Variants in GSDME observed in about 807,000 individuals in gnomAD.
GSDME encodes the protein gasdermin E.
GSDME carries 44 observed loss-of-function variants against 47.5 expected under a neutral mutation model. That is an observed-to-expected ratio of 0.93 (90% CI 0.73 to 1.19). GSDME has a LOEUF of 1.19. GSDME is among the 50% of genes most tolerant of loss of function. GSDME has a pLI of 0.00. For missense variants in GSDME, 663 were observed against 604.2 expected (o/e 1.10, Z -1.02); for synonymous variants, 258 against 252.8 (o/e 1.02, Z -0.20).
the GSDME span, among the ~76,000 whole-genome samples, chr7:24,783,989 G>C: frequency 6.6e-6 from 1 of 152,120 alleles, no homozygotes; most frequent in Admixed American, 6.5e-5. Context: ...CAGGCATGGA[G>C]AGGCTGCAGC....
the GSDME span, among the ~76,000 whole-genome samples, chr7:24,791,167 G>T: frequency 6.6e-6 from 1 of 151,940 alleles, no homozygotes; most frequent in Admixed American, 6.6e-5. This position sits in a 1 kb window ranked among gnomAD's most constrained non-coding sequence, Gnocchi z 4.8. Context: ...CTGTGGGAGT[G>T]GTCAAGACCA....
rs910438760 is a variant in GSDME at position 24,712,167 on chromosome 7, C to T, written c.698-1779G>A. On this transcript the variant is annotated intron_variant, in intron 5 of 9. Transcript: ENST00000645220. The surrounding 1 kb of genome is among the most constrained non-coding windows in gnomAD (Gnocchi z 4.4). ...TGTCTAAAGACAAAGGAAACGATCC[C>T]TGGGCTTTACCCACCTGGCCCACAC... is the stretch of plus-strand genomic sequence containing the variant. Among the ~76,000 whole-genome samples, 3 of 152,220 alleles carry T rather than the reference C, an allele frequency of 2.0e-5. No homozygotes were observed. The highest frequency in any genetic ancestry group is 7.2e-5 in the African/African-American group (3 of 41,436).
intron 4 of GSDME, 93 bp downstream of exon 4, chr7:24,718,954 T>C: frequency 7.2e-7 from 1 of 1,389,062 alleles, no homozygotes. Flanking sequence ...ACGGAAAGAG[T>C]CCTGACTAAT....
Position 24,717,321 on chromosome 7 carries a change from C to G in GSDME, c.630G>C (p.Glu210Asp), listed in dbSNP as rs2128052861. 6.2e-7 allele frequency: 1 copy of G among 1,610,516 alleles called. No individual in the cohort carries two copies. Among genetic ancestry groups the G allele is most frequent in the Middle Eastern group, 1.7e-4 (1 of 6,044 alleles). Reference sequence around the variant, plus strand: ...AGGCAATGGTGGTGGCAGCTGGGATCTCCAGCACCACGTTGGAGTCCTTGG... The same window carrying G: ...AGGCAATGGTGGTGGCAGCTGGGATGTCCAGCACCACGTTGGAGTCCTTGG... ...NVTKDSNVVL[E>D]IPAATTIAYG... The change falls in exon 5 of 10, where the codon GAG (glutamate) becomes GAC (aspartate). Residue 210 changes from glutamate (E) to aspartate (D), a missense_variant. Physicochemically the swap from Glu to Asp is conservative, Grantham distance 45 (BLOSUM62 2). Coordinates refer to ENST00000645220, the MANE Select transcript of GSDME (RefSeq NM_001127453.2).
chr7:24,719,914 C>T (rs1468002877), intron 3 of GSDME, among the ~76,000 whole-genome samples: 3 of 152,152 alleles, frequency 2.0e-5, no homozygotes, highest in African/African-American at 7.2e-5. Flanking sequence ...ACGTCACAGC[C>T]ATGGCCCAGG....
chr7:24,734,989 T>G (rs1790256761), intron 3 of GSDME, among the ~76,000 whole-genome samples: 1 of 152,088 alleles, frequency 6.6e-6, no homozygotes, highest in Admixed American at 6.5e-5. Context: ...GAAGACTATC[T>G]CAAGGCATTT....
In GSDME at chr7:24,717,389, G is replaced by A. The variant is rs11970787; in HGVS notation, c.577-15C>T. On this transcript the variant is annotated splice_polypyrimidine_tract_variant and intron_variant, in intron 4 of 9. Coordinates refer to ENST00000645220, the MANE Select transcript of GSDME (RefSeq NM_001127453.2). The stretch of plus-strand genomic sequence containing the variant: ...GTCGCTGACACCTGTGGGCAAAAGC[G>A]CACACTCCCACCTGTGCACTCGGGC... 1.9e-3 allele frequency: 3,047 copies of A among 1,613,978 alleles called. 19 individuals are homozygous for A. The African/African-American group carries it at 0.019, about 10-fold the overall frequency.
At chr7:24,776,138 C>A in the GSDME span, among the ~76,000 whole-genome samples, 808 of 143,136 alleles carry the variant, frequency 5.6e-3, 5 homozygotes, top group African/African-American at 0.02. Context: ...TGAGACCGGG[C>A]CATTGCACTC....
chr7:24,762,765 A>AAATTAT (rs1325072698), upstream of GSDME, among the ~76,000 whole-genome samples: 4 of 151,974 alleles, frequency 2.6e-5, no homozygotes, highest in Non-Finnish European at 5.9e-5. Context: ...ATGAAGTCCC[A>AAATTAT]AATTATAATG....
chr7:24,710,360 A>C lies in GSDME; in HGVS notation c.726T>G (p.Gly242=). 1 of 1,614,258 alleles carries C rather than the reference A, an allele frequency of 6.2e-7. No individual in the cohort carries two copies. The part of the protein sequence containing the change: ...FEFCLLRGKQ[G]GFENKKRIDS... ...CAATTCTCTTCTTGTTCTCGAAGCCACCTTGCTTCCCTCGGAGAAGGCAGA... is the reference window on the plus strand; with the variant it reads ...CAATTCTCTTCTTGTTCTCGAAGCCCCCTTGCTTCCCTCGGAGAAGGCAGA... The change falls in exon 6 of 10, where the codon GGT becomes GGG. Residue 242 remains glycine (G), a synonymous_variant. Transcript: ENST00000645220.
In GSDME at chr7:24,714,264, C is replaced by T. The variant is rs948371318; in HGVS notation, c.697+2990G>A. ...GATACAGATGGAGTCTGCCTCCCTT[C>T]GAGGTTTCAAAGGACGACCAGGATC... On this transcript the variant is annotated intron_variant, in intron 5 of 9. Coordinates refer to ENST00000645220, the MANE Select transcript of GSDME (RefSeq NM_001127453.2). The surrounding 1 kb of genome is among the most constrained non-coding windows in gnomAD (Gnocchi z 5.0). Among the ~76,000 whole-genome samples the T allele has an allele frequency of 3.3e-5, 5 of 152,086 alleles. No individual in the cohort carries two copies. Among genetic ancestry groups the T allele is most frequent in the Non-Finnish European group, 7.4e-5 (5 of 68,026 alleles).
the GSDME span, among the ~76,000 whole-genome samples, chr7:24,771,800 A>G: frequency 6.6e-6 from 1 of 152,150 alleles, no homozygotes; most frequent in South Asian, 2.1e-4. The surrounding 1 kb of genome is among the most constrained non-coding windows in gnomAD (Gnocchi z 4.1). Flanking sequence ...CTTTCTAAAG[A>G]AAGGAAAGGC....
chr7:24,713,258 C>G (rs753901517), intron 5 of GSDME, among the ~76,000 whole-genome samples: 1 of 152,116 alleles, frequency 6.6e-6, no homozygotes, highest in Non-Finnish European at 1.5e-5. Context: ...TCGGGAGACA[C>G]GGCTGCTCCT....
chr7:24,724,928 T>C lies in GSDME; in HGVS notation c.405-5710A>G, dbSNP rs184709317. On this transcript the variant is annotated intron_variant, in intron 3 of 9. Coordinates refer to ENST00000645220, the MANE Select transcript of GSDME (RefSeq NM_001127453.2). This position sits in a 1 kb window ranked among gnomAD's most constrained non-coding sequence, Gnocchi z 4.8. Reference sequence around the variant, plus strand: ...TCACACTGGTTAAGAGTGTGGTACCTTCCCCCTCACTCTCTCTTGTTCCTC... The same window carrying C: ...TCACACTGGTTAAGAGTGTGGTACCCTCCCCCTCACTCTCTCTTGTTCCTC... 3.3e-5 allele frequency: 5 copies of C among 152,368 alleles called. No homozygotes were observed. Among genetic ancestry groups the C allele is most frequent in the Non-Finnish European group, 7.3e-5 (5 of 68,066 alleles). 9.4% of individuals were successfully genotyped at this position (152,368 alleles called of 1,614,324 possible). A position where few individuals can be genotyped will look rare whatever the true frequency, so the allele number is the denominator to read the frequency against.
At chr7:24,702,431 G>T in intron 9 of GSDME, 2 of 362,230 alleles carry the variant, frequency 5.5e-6, no homozygotes, top group Non-Finnish European at 1.1e-5. Flanking sequence ...ATAATATGGT[G>T]TCAGGCCCCT....
At chr7:24,704,060 T>C (rs1788994493) in intron 8 of GSDME, 1 of 152,176 alleles carries the variant, frequency 6.6e-6, no homozygotes, top group Admixed American at 6.5e-5. Flanking sequence ...GTACACTAGG[T>C]GCTAGGGGCA....
intron 9 of GSDME, among the ~76,000 whole-genome samples, chr7:24,701,643 T>G (rs1157660318): frequency 6.6e-6 from 1 of 152,232 alleles, no homozygotes; most frequent in African/African-American, 2.4e-5. Context: ...TGCTCATCAT[T>G]GCATACAATT....
At chr7:24,787,909 G>A in the GSDME span, among the ~76,000 whole-genome samples, 1 of 152,162 alleles carries the variant, frequency 6.6e-6, no homozygotes, top group South Asian at 2.1e-4. The surrounding 1 kb of genome is among the most constrained non-coding windows in gnomAD (Gnocchi z 5.0). Flanking sequence ...GTTTCACCAT[G>A]TTAGCCAGGT....
the GSDME span, among the ~76,000 whole-genome samples, chr7:24,769,131 T>C: frequency 6.6e-6 from 1 of 152,210 alleles, no homozygotes; most frequent in Non-Finnish European, 1.5e-5. Context: ...CTTCTTAGAA[T>C]TGTCAGAGAA....
Sources: gnomAD v4.1 joint callset for allele counts (sites outside exome capture counted in the v4.1 genomes callset) on GRCh38, gnomAD v4.1.1 for gene constraint, Gnocchi (gnomAD v3.1) non-coding constraint, MANE v1.5 for transcripts, NCBI Gene and HGNC (gene_info 2026-07-23, HGNC 2026-07-21) for gene names.